Variants in TTI1 observed in about 807,000 individuals in gnomAD.
TTI1 encodes the protein TELO2 interacting protein 1.
Under a neutral mutation model 85.4 loss-of-function variants are expected in TTI1, and 52 were observed. The observed-to-expected ratio is 0.61, with a 90% CI of 0.49 to 0.77. TTI1 has a LOEUF of 0.77. TTI1 is among the 30% of genes least tolerant of loss of function. TTI1 has a pLI of 0.00. For synonymous variants in TTI1, 512 were observed against 503.9 expected, an observed-to-expected ratio of 1.02 and a Z score of -0.22; for missense variants, 1,173 against 1,296.0, an observed-to-expected ratio of 0.91 and a Z score of 1.46.
At chr20:38,004,643 G>A (rs1353158290) in intron 3 of TTI1, among the ~76,000 whole-genome samples, 1 of 152,154 alleles carries the variant, frequency 6.6e-6, no homozygotes, top group Non-Finnish European at 1.5e-5. Flanking sequence ...TTCCCCAGAG[G>A]GGAATTTGTT....
intron 1 of TTI1, among the ~76,000 whole-genome samples, chr20:38,026,102 C>G (rs923347172): frequency 7.2e-5 from 11 of 152,116 alleles, no homozygotes; most frequent in African/African-American, 2.7e-4. Flanking sequence ...TTTCTGAAAA[C>G]TAACAACAAA....
At chr20:37,998,966 T>A (rs1411750902) in intron 5 of TTI1, among the ~76,000 whole-genome samples, 3 of 152,176 alleles carry the variant, frequency 2.0e-5, no homozygotes, top group Admixed American at 6.5e-5. Context: ...TGTGGAGGAG[T>A]GCTGAGCTTA....
chr20:38,002,851 A>T (rs2073445939), intron 3 of TTI1, 75 bp from the exon 4 acceptor site: 1 of 1,586,984 alleles, frequency 6.3e-7, no homozygotes, highest in Non-Finnish European at 8.6e-7. Context: ...TGTTCTTTAT[A>T]AATTACTCAG....
intron 1 of TTI1, among the ~76,000 whole-genome samples, chr20:38,021,855 A>C (rs1404157343): frequency 6.6e-6 from 1 of 152,226 alleles, no homozygotes; most frequent in Non-Finnish European, 1.5e-5. Flanking sequence ...CAAATGGAAC[A>C]ATCTGTACAG....
At chr20:38,031,486 G>A (rs2073905083) in intron 1 of TTI1, among the ~76,000 whole-genome samples, 1 of 152,196 alleles carries the variant, frequency 6.6e-6, no homozygotes, top group Non-Finnish European at 1.5e-5. Flanking sequence ...TCTCTGAGAA[G>A]CATAAGTAAA....
In TTI1 at chr20:37,996,415, T is replaced by G; in HGVS notation, c.3046A>C (p.Ser1016Arg). Residue 1016 changes from serine (S) to arginine (R), a missense_variant, in exon 7 of 8, where the codon AGT (serine) becomes CGT (arginine). Ser to Arg is a moderately radical substitution (Grantham distance 110). Transcript: ENST00000373447. ...KVADACLIYL[S>R]VKQPVKLQEA... is the part of the protein sequence containing the mutation. ...TGTAATTTCACGGGCTGTTTGACAC[T>G]GAGGTAAATCAAGCAGGCATCAGCC... 3 of 1,613,982 alleles carry G rather than the reference T, an allele frequency of 1.9e-6. No individual in the cohort carries two copies. Among genetic ancestry groups the G allele is most frequent in the Non-Finnish European group, 2.5e-6 (3 of 1,180,004 alleles).
intron 2 of TTI1, among the ~76,000 whole-genome samples, chr20:38,010,627 C>T (rs531121017): frequency 4.8e-5 from 7 of 146,296 alleles, no homozygotes; most frequent in Admixed American, 6.8e-5. Context: ...CCCGCCACCA[C>T]GTCTGGCTAA....
intron 1 of TTI1, among the ~76,000 whole-genome samples, chr20:38,020,323 A>AAAAAAAATATAT: frequency 1.6e-4 from 8 of 50,386 alleles, no homozygotes; most frequent in African/African-American, 2.7e-4. Context: ...AAAAAAAAAA[A>AAAAAAAATATAT]ATATATATAT....
intron 1 of TTI1, among the ~76,000 whole-genome samples, chr20:38,016,811 C>A (rs542074182): frequency 3.9e-4 from 60 of 152,298 alleles, no homozygotes; most frequent in African/African-American, 1.2e-3. Context: ...AAAATCTGAT[C>A]GCAATTCTCT....
At chr20:38,009,568 C>T (rs1253251328) in intron 2 of TTI1, among the ~76,000 whole-genome samples, 1 of 151,786 alleles carries the variant, frequency 6.6e-6, no homozygotes, top group Non-Finnish European at 1.5e-5. Context: ...TGCAGTGGTG[C>T]AATCATGGCT....
chr20:37,997,147 G>A (rs1045084397), intron 5 of TTI1, among the ~76,000 whole-genome samples, 194 bp from the exon 6 acceptor site: 5 of 151,776 alleles, frequency 3.3e-5, no homozygotes, highest in Non-Finnish European at 7.4e-5. Flanking sequence ...CCCAAGGCAT[G>A]GCTGCTTCTA....
intron 7 of TTI1, among the ~76,000 whole-genome samples, chr20:37,993,740 A>G (rs2073298941): frequency 6.6e-6 from 1 of 152,218 alleles, no homozygotes; most frequent in Non-Finnish European, 1.5e-5. Flanking sequence ...TCATCTGCCT[A>G]GGGTCGGAAA....
At chr20:38,001,171 A>G (rs2073420691) in intron 4 of TTI1, among the ~76,000 whole-genome samples, 1 of 152,194 alleles carries the variant, frequency 6.6e-6, no homozygotes, top group Non-Finnish European at 1.5e-5. Flanking sequence ...CCTGACCTGC[A>G]CTAGTCCTCA....
chr20:38,012,197 A>T lies in TTI1; in HGVS notation c.1620T>A (p.Asp540Glu), dbSNP rs1323646234. Residue 540 changes from aspartate to glutamate, a missense_variant, in exon 2 of 8, where the codon GAT becomes GAA. Physicochemically the swap from Asp to Glu is conservative, Grantham distance 45 (BLOSUM62 2). Coordinates refer to ENST00000373447, the MANE Select transcript of TTI1 (RefSeq NM_001303457.2). ...VTGAAGLEVE[D>E]LHEKHIKTNP... Reference sequence around the variant, plus strand: ...TTGTTTTAATATGTTTTTCGTGAAGATCCTCAACCTCCAGCCCAGCAGCCC... The same window carrying T: ...TTGTTTTAATATGTTTTTCGTGAAGTTCCTCAACCTCCAGCCCAGCAGCCC... The T allele has an allele frequency of 6.2e-7, 1 of 1,614,134 alleles. No homozygotes were observed. Among genetic ancestry groups the T allele is most frequent in the Non-Finnish European group, 8.5e-7 (1 of 1,180,024 alleles).
chr20:38,012,697 A>C lies in TTI1; in HGVS notation c.1120T>G (p.Leu374Val). Residue 374 changes from leucine (L) to valine (V), a missense_variant, in exon 2 of 8, where the codon TTG becomes GTG. Coordinates refer to ENST00000373447, the MANE Select transcript of TTI1 (RefSeq NM_001303457.2). ...GCAAGGGAATGCAGGCTTTCTGACA[A>C]GATGTCAGCGAGGGCTTTGTTGCCC... ...VVGNKALADI[L>V]SESLHSLATS... 4.3e-6 allele frequency: 7 copies of C among 1,614,242 alleles called. No homozygotes were observed. Among genetic ancestry groups the C allele is most frequent in the Non-Finnish European group, 5.9e-6 (7 of 1,180,042 alleles).
chr20:37,996,303 C>A, intron 7 of TTI1, 72 bp downstream of exon 7: 1 of 1,531,468 alleles, frequency 6.5e-7, no homozygotes, highest in Non-Finnish European at 9.0e-7. Context: ...TGCCTCAACT[C>A]TGCTTGCCAT....
intron 1 of TTI1, among the ~76,000 whole-genome samples, chr20:38,023,412 A>G (rs1395718432): frequency 6.6e-6 from 1 of 152,182 alleles, no homozygotes; most frequent in African/African-American, 2.4e-5. Context: ...GGGAATCTAC[A>G]ATTTTAAAAC....
intron 1 of TTI1, among the ~76,000 whole-genome samples, chr20:38,020,700 A>G (rs149622351): frequency 1.8e-3 from 269 of 152,302 alleles, no homozygotes; most frequent in African/African-American, 6.1e-3. Context: ...ACCTGAATAG[A>G]CATATCACAA....
chr20:38,014,428 C>T (rs2073651683), intron 1 of TTI1, among the ~76,000 whole-genome samples: 1 of 152,162 alleles, frequency 6.6e-6, no homozygotes, highest in Admixed American at 6.5e-5. Context: ...GAGGTAACCA[C>T]TCTTATGACT....
Sources: allele counts gnomAD v4.1 joint callset (sites outside exome capture counted in the v4.1 genomes callset), GRCh38; gene constraint gnomAD v4.1.1; transcripts MANE v1.5; gene names NCBI Gene and HGNC (gene_info 2026-07-23, HGNC 2026-07-21).